The following LIPC variants were observed in gnomAD, a reference collection of about 807,000 sequenced individuals.
LIPC encodes hepatic triacylglycerol lipase.
Under a neutral mutation model 50.7 loss-of-function variants are expected in LIPC, and 44 were observed. The observed-to-expected ratio is 0.87, with a 90% CI of 0.68 to 1.11. The LOEUF is 1.11. Among genes scored for constraint, LIPC ranks in the 50% most tolerant of loss-of-function variants. LIPC has a pLI of 0.00. For missense variants in LIPC, 697 were observed against 648.2 expected (o/e 1.08, Z -0.82); for synonymous variants, 271 against 256.4 (o/e 1.06, Z -0.54).
At chr15:58,502,145 T>C (rs1892004707) in intron 1 of LIPC, among the ~76,000 whole-genome samples, 1 of 151,998 alleles carries the variant, frequency 6.6e-6, no homozygotes, top group Non-Finnish European at 1.5e-5. Context: ...GTTCCCAGAG[T>C]GGGGCAGGAA....
chr15:58,455,372 C>T lies in LIPC; in HGVS notation c.88+23252C>T, dbSNP rs190108449. Among the ~76,000 whole-genome samples, 407 of 152,292 alleles carry T rather than the reference C, an allele frequency of 2.7e-3. 1 individual carries two copies. Among genetic ancestry groups the T allele is most frequent in the Non-Finnish European group, 4.9e-3 (334 of 68,034 alleles). On this transcript the variant is annotated intron_variant, in intron 1 of 8. Coordinates refer to ENST00000299022, the MANE Select transcript of LIPC (RefSeq NM_000236.3). ...CCAATAAACCTAATTCACAAAAACA[C>T]ATGGTGCACCAGATTTGTCAGGCCA...
chr15:58,563,219 A>G (rs1311563341), intron 7 of LIPC, among the ~76,000 whole-genome samples: 1 of 152,228 alleles, frequency 6.6e-6, no homozygotes, highest in Non-Finnish European at 1.5e-5. Context: ...CTAGAAGCTA[A>G]GCTAGAGAAA....
intron 1 of LIPC, among the ~76,000 whole-genome samples, chr15:58,451,111 G>A (rs1171634315): frequency 6.6e-6 from 1 of 152,172 alleles, no homozygotes; most frequent in African/African-American, 2.4e-5. Flanking sequence ...GCAATCGGTT[G>A]GGATTCATTA....
At chr15:58,469,041 A>G (rs866941651) in intron 1 of LIPC, among the ~76,000 whole-genome samples, 20 of 152,214 alleles carry the variant, frequency 1.3e-4, no homozygotes, top group African/African-American at 4.8e-4. Flanking sequence ...GGTAAGCATT[A>G]AACATTAGTT....
chr15:58,555,427 G>T (rs562118367), intron 6 of LIPC, among the ~76,000 whole-genome samples: 2 of 152,188 alleles, frequency 1.3e-5, no homozygotes, highest in Non-Finnish European at 2.9e-5. Flanking sequence ...TTCAGGGGCT[G>T]TTGGCCATTT....
At chr15:58,503,663 C>T (rs1892058728) in intron 1 of LIPC, among the ~76,000 whole-genome samples, 1 of 152,224 alleles carries the variant, frequency 6.6e-6, no homozygotes, top group South Asian at 2.1e-4. Context: ...TGGGCCGCAC[C>T]ACCCAGCCCG....
chr15:58,458,358 C>T lies in LIPC; in HGVS notation c.88+26238C>T, dbSNP rs540043888. Among the ~76,000 whole-genome samples the T allele has an allele frequency of 2.6e-4, 40 of 152,298 alleles. No homozygotes were observed. In the South Asian group the frequency reaches 4.6e-3, roughly 17 times the overall value. On this transcript the variant is annotated intron_variant, in intron 1 of 8. Coordinates refer to ENST00000299022, the MANE Select transcript of LIPC (RefSeq NM_000236.3). ...TGTTAGACCAGCAGCTGAGCCTCCC[C>T]CACCACGTCCTTCTACCTCTTGCAA...
intron 1 of LIPC, among the ~76,000 whole-genome samples, chr15:58,494,356 G>A (rs1346818507): frequency 1.3e-5 from 2 of 152,218 alleles, no homozygotes; most frequent in African/African-American, 2.4e-5. Context: ...CATTTGAAGG[G>A]TGGTTACTCC....
chr15:58,562,803 G>A (rs1894208691), intron 7 of LIPC, among the ~76,000 whole-genome samples: 4 of 122,646 alleles, frequency 3.3e-5, no homozygotes, highest in Admixed American at 1.6e-4. Flanking sequence ...GCCACACAAG[G>A]GACCCCCCCC....
intron 1 of LIPC, among the ~76,000 whole-genome samples, chr15:58,532,545 A>G (rs74739345): frequency 0.059 from 8,929 of 152,288 alleles, 530 homozygotes; most frequent in African/African-American, 0.15. Context: ...TAGCAAATTA[A>G]ATAATGCATG....
At chr15:58,448,367 A>G (rs1378636097) in intron 1 of LIPC, among the ~76,000 whole-genome samples, 1 of 152,224 alleles carries the variant, frequency 6.6e-6, no homozygotes, top group Non-Finnish European at 1.5e-5. Flanking sequence ...TTCTTAGCTC[A>G]GGACTGGGGC....
At chr15:58,464,816 T>A (rs1894480701) in intron 1 of LIPC, among the ~76,000 whole-genome samples, 1 of 152,116 alleles carries the variant, frequency 6.6e-6, no homozygotes, top group African/African-American at 2.4e-5. Context: ...GTACTAAAAA[T>A]ACAAAAGTTA....
intron 1 of LIPC, among the ~76,000 whole-genome samples, chr15:58,472,054 G>C (rs1253885133): frequency 2.0e-5 from 3 of 152,080 alleles, no homozygotes; most frequent in Non-Finnish European, 4.4e-5. Flanking sequence ...TGGATCACCT[G>C]AGGTCAGGAG....
At chr15:58,546,003 A>C in intron 5 of LIPC, 28 bp downstream of exon 5, 3 of 1,531,822 alleles carry the variant, frequency 2.0e-6, no homozygotes, top group Non-Finnish European at 2.7e-6. Flanking sequence ...GGCCGGGAGC[A>C]CCGGCCTACA....
intron 1 of LIPC, among the ~76,000 whole-genome samples, chr15:58,469,511 AAAGATCACCAG>A (rs1245446158): frequency 6.6e-6 from 1 of 152,140 alleles, no homozygotes; most frequent in Admixed American, 6.5e-5. Context: ...CCTTTCAATT[AAAGATCACCAG>A]CTTCCCAAAA....
chr15:58,519,429 A>G (rs1892588325), intron 1 of LIPC, among the ~76,000 whole-genome samples: 2 of 151,900 alleles, frequency 1.3e-5, no homozygotes, highest in South Asian at 4.1e-4. Context: ...AAAAAAGAAA[A>G]AAAAGAACTA....
At chr15:58,433,674 G>A (rs1041549449) in intron 1 of LIPC, among the ~76,000 whole-genome samples, 1 of 152,226 alleles carries the variant, frequency 6.6e-6, no homozygotes, top group Non-Finnish European at 1.5e-5. Context: ...TGAGATAGAG[G>A]TTGAAGGGAG....
intron 1 of LIPC, among the ~76,000 whole-genome samples, chr15:58,493,743 T>A (rs1457036713): frequency 2.0e-5 from 3 of 148,546 alleles, no homozygotes; most frequent in African/African-American, 7.3e-5. Flanking sequence ...TTTTTAAATG[T>A]TAATATATCT....
intron 4 of LIPC, among the ~76,000 whole-genome samples, chr15:58,544,140 A>G (rs1235408749): frequency 1.3e-5 from 2 of 152,140 alleles, no homozygotes; most frequent in African/African-American, 2.4e-5. Context: ...TTAACCCACA[A>G]TAGCCTGGGG....
Sources: allele counts gnomAD v4.1 joint callset (sites outside exome capture counted in the v4.1 genomes callset), GRCh38; gene constraint gnomAD v4.1.1; transcripts MANE v1.5; gene names NCBI Gene and HGNC (gene_info 2026-07-23, HGNC 2026-07-21).